Variants in KPNA1 observed in about 807,000 individuals in gnomAD.
KPNA1 encodes importin subunit alpha-5.
KPNA1 carries 10 observed loss-of-function variants against 70.5 expected under a neutral mutation model. The observed-to-expected ratio is 0.14, with a 90% confidence interval of 0.09 to 0.24. The LOEUF (loss-of-function observed/expected upper bound fraction) is 0.24, where lower values mean the gene tolerates loss of function less well. Ranked by LOEUF, KPNA1 falls within the 10% of genes least tolerant of loss-of-function variation. The pLI is 1.00. For missense variants in KPNA1, 397 were observed against 637.9 expected, an observed-to-expected ratio of 0.62 and a Z score of 4.07; for synonymous variants, 192 against 221.9, an observed-to-expected ratio of 0.87 and a Z score of 1.20.
chr3:122,427,468 GTT>G, intron 13 of KPNA1, 68 bp downstream of exon 13: 1 of 1,452,700 alleles, frequency 6.9e-7, no homozygotes, highest in Admixed American at 2.0e-5. Flanking sequence ...TAGTAGTATT[GTT>G]TTTACTGAAC....
At chr3:122,442,858 G>T (rs1560022382) in intron 9 of KPNA1, 1 of 152,286 alleles carries the variant, frequency 6.6e-6, no homozygotes, top group Admixed American at 6.5e-5. Flanking sequence ...AATAGGAACA[G>T]CTCTGGTCTG....
chr3:122,502,977 G>C (rs187817038), intron 1 of KPNA1, among the ~76,000 whole-genome samples: 52 of 152,076 alleles, frequency 3.4e-4, no homozygotes, highest in African/African-American at 1.3e-3. Flanking sequence ...AGGCACCTGT[G>C]GTCCCAGCTA....
intron 3 of KPNA1, among the ~76,000 whole-genome samples, chr3:122,464,411 T>C (rs1410396333): frequency 6.6e-6 from 1 of 152,228 alleles, no homozygotes; most frequent in African/African-American, 2.4e-5. Flanking sequence ...TTTATCTCTA[T>C]CACAGCACCA....
chr3:122,433,220 C>T (rs2075936842), intron 12 of KPNA1: 1 of 153,968 alleles, frequency 6.5e-6, no homozygotes, highest in Admixed American at 6.5e-5. Flanking sequence ...ACATACCACT[C>T]TTTCAATTCT....
Position 122,426,233 on chromosome 3 carries a change from G to A in KPNA1, c.*752C>T, listed in dbSNP as rs1482302584. ...CACAAAAGACCAAAGAGAAGCAAAAGCGATACAAATTAATATGTGCCCCTC... is the reference window on the plus strand; with the variant it reads ...CACAAAAGACCAAAGAGAAGCAAAAACGATACAAATTAATATGTGCCCCTC... On this transcript the variant is annotated 3_prime_UTR_variant, in exon 14 of 14. Coordinates refer to ENST00000344337, the MANE Select transcript of KPNA1 (RefSeq NM_002264.4). 1 of 152,562 alleles carries A rather than the reference G, an allele frequency of 6.6e-6. No individual in the cohort carries two copies. Among genetic ancestry groups the A allele is most frequent in the Non-Finnish European group, 1.5e-5 (1 of 68,036 alleles). The allele number at this position is 152,562 out of a possible 1,614,324, so 9.5% of individuals were successfully genotyped here.
At chr3:122,452,458 G>A (rs556136056) in intron 6 of KPNA1, among the ~76,000 whole-genome samples, 14 of 145,426 alleles carry the variant, frequency 9.6e-5, no homozygotes, top group African/African-American at 3.6e-4. Context: ...GCAGTGAGCC[G>A]AGATTGAGCC....
chr3:122,490,381 A>G (rs2076684540), intron 2 of KPNA1, among the ~76,000 whole-genome samples: 1 of 152,174 alleles, frequency 6.6e-6, no homozygotes, highest in African/African-American at 2.4e-5. Context: ...TCCACTGCCT[A>G]ATGCCTAGTG....
intron 2 of KPNA1, among the ~76,000 whole-genome samples, chr3:122,470,022 T>C (rs1282609010): frequency 2.0e-5 from 3 of 152,102 alleles, no homozygotes; most frequent in Admixed American, 6.5e-5. Flanking sequence ...CGAAATTCTT[T>C]GGCAAAAAGG....
intron 2 of KPNA1, among the ~76,000 whole-genome samples, chr3:122,490,932 T>C (rs2076691297): frequency 1.3e-5 from 2 of 152,302 alleles, no homozygotes; most frequent in South Asian, 4.1e-4. Flanking sequence ...TATACAAATG[T>C]ATATATAGTT....
At position 122,425,894 on chromosome 3, in the gene KPNA1, G is replaced by A. The variant is rs971579542; in HGVS notation, c.*1091C>T. ...AATCGTGTGCAGCATGAAAAGATTA[G>A]AATCGAGCTGCACCTAAGAAAAAAA... On this transcript the variant is annotated 3_prime_UTR_variant, in exon 14 of 14. Coordinates refer to ENST00000344337, the MANE Select transcript of KPNA1 (RefSeq NM_002264.4). The A allele has an allele frequency of 2.0e-5, 3 of 152,618 alleles. No individual in the cohort carries two copies. Among genetic ancestry groups the A allele is most frequent in the Non-Finnish European group, 4.4e-5 (3 of 67,998 alleles). 9.5% of individuals were successfully genotyped at this position (152,618 alleles called of 1,614,324 possible).
At chr3:122,436,085 AG>A in intron 11 of KPNA1, among the ~76,000 whole-genome samples, 1 of 152,142 alleles carries the variant, frequency 6.6e-6, no homozygotes, top group Admixed American at 6.5e-5. Context: ...ATGCGTTCCT[AG>A]GGGGAGGTCT....
intron 11 of KPNA1, among the ~76,000 whole-genome samples, chr3:122,436,737 C>T (rs1433840811): frequency 6.6e-6 from 1 of 152,144 alleles, no homozygotes; most frequent in Non-Finnish European, 1.5e-5. Context: ...AATAAGACAA[C>T]AACATTGAAA....
chr3:122,487,847 T>TTG (rs2076647849), intron 2 of KPNA1, among the ~76,000 whole-genome samples: 1 of 152,200 alleles, frequency 6.6e-6, no homozygotes, highest in Non-Finnish European at 1.5e-5. Flanking sequence ...ACAATGTGAA[T>TTG]ATTGTTAACA....
chr3:122,464,585 T>C (rs911871653), intron 3 of KPNA1, among the ~76,000 whole-genome samples: 6 of 152,222 alleles, frequency 3.9e-5, no homozygotes, highest in Admixed American at 2.6e-4. Context: ...AGTGAGTAAA[T>C]AGAGTGGTCC....
intron 9 of KPNA1, chr3:122,442,856 C>G (rs2076082491): frequency 1.3e-5 from 2 of 152,230 alleles, no homozygotes; most frequent in Admixed American, 1.3e-4. Context: ...TGAATAGGAA[C>G]AGCTCTGGTC....
At chr3:122,506,751 T>A (rs1427030022) in intron 1 of KPNA1, among the ~76,000 whole-genome samples, 1 of 152,218 alleles carries the variant, frequency 6.6e-6, no homozygotes, top group African/African-American at 2.4e-5. Flanking sequence ...GAGAGGTTTA[T>A]CATAACCTTT....
intron 9 of KPNA1, among the ~76,000 whole-genome samples, chr3:122,444,906 T>C (rs2076115715): frequency 6.6e-6 from 1 of 152,080 alleles, no homozygotes; most frequent in Non-Finnish European, 1.5e-5. Flanking sequence ...AGGTCACCAA[T>C]ATCGAAGACC....
At chr3:122,473,898 C>T (rs2076469877) in intron 2 of KPNA1, among the ~76,000 whole-genome samples, 1 of 151,990 alleles carries the variant, frequency 6.6e-6, no homozygotes, top group South Asian at 2.1e-4. Context: ...CTGATGGGAA[C>T]AGAAGAAATA....
At chr3:122,472,171 T>C (rs560609735) in intron 2 of KPNA1, among the ~76,000 whole-genome samples, 77 of 152,206 alleles carry the variant, frequency 5.1e-4, no homozygotes, top group Non-Finnish European at 4.3e-4. Context: ...TTCATCAAGA[T>C]AGACCACATT....
Sources: allele counts gnomAD v4.1 joint callset (sites outside exome capture counted in the v4.1 genomes callset), GRCh38; gene constraint gnomAD v4.1.1; transcripts MANE v1.5; gene names NCBI Gene and HGNC (gene_info 2026-07-23, HGNC 2026-07-21).